Variants in AGXT2 observed in about 807,000 individuals in gnomAD.
The protein encoded by AGXT2 is alanine--glyoxylate aminotransferase 2, also known as alanine--glyoxylate aminotransferase 2, mitochondrial.
In AGXT2, 61 loss-of-function variants were observed where a neutral mutation model predicts 62.5. That is an observed-to-expected ratio of 0.98 (90% CI 0.79 to 1.21). AGXT2 has a LOEUF of 1.21. Ranked by LOEUF, AGXT2 falls within the 50% of genes most tolerant of loss-of-function variation. AGXT2 has a pLI of 0.00. For missense variants in AGXT2, 666 were observed against 641.5 expected, an observed-to-expected ratio of 1.04 and a Z score of -0.41; for synonymous variants, 243 against 218.7, an observed-to-expected ratio of 1.11 and a Z score of -0.98.
chr5:35,032,659 G>T, intron 7 of AGXT2, 73 bp downstream of exon 7: 1 of 1,297,590 alleles, frequency 7.7e-7, no homozygotes, highest in Non-Finnish European at 1.1e-6. Context: ...GTTCCCTCAG[G>T]GATGGGTCTG....
intron 4 of AGXT2, 50 bp from the exon 5 acceptor site, chr5:35,035,366 C>T (rs749719148): frequency 2.0e-6 from 3 of 1,516,912 alleles, no homozygotes; most frequent in Admixed American, 1.7e-5. Flanking sequence ...TCCTTATTAC[C>T]CATTCACTTA....
At chr5:35,038,071 G>A (rs752717996) in intron 3 of AGXT2, among the ~76,000 whole-genome samples, 1 of 152,166 alleles carries the variant, frequency 6.6e-6, no homozygotes, top group African/African-American at 2.4e-5. Context: ...CTTTACTACA[G>A]ACATTTTAGT....
At position 35,036,571 on chromosome 5, in the gene AGXT2, C is replaced by T. The variant is rs1376329368; in HGVS notation, c.486+371G>A. On this transcript the variant is annotated intron_variant, in intron 4 of 13. Coordinates refer to ENST00000231420, the MANE Select transcript of AGXT2 (RefSeq NM_031900.4). ...ATAACTTTGCAGAAAGGCTAAGGAG[C>T]GATGAGATAAAAACCTCTTGAGGAC... Among the ~76,000 whole-genome samples the T allele has an allele frequency of 2.6e-5, 4 of 152,094 alleles. No homozygotes were observed. In the East Asian group the frequency reaches 5.8e-4, roughly 22 times the overall value.
rs1767568138 is a variant in AGXT2 at position 35,031,890 on chromosome 5, T to TG, written c.769+841_769+842insC. ...TCCCACCCATCTTGATTTCTTGTTT[T>TG]TTTTTTTTTTTTGGTTGTTGTTTAG... On this transcript the variant is annotated intron_variant, in intron 7 of 13. Coordinates refer to ENST00000231420, the MANE Select transcript of AGXT2 (RefSeq NM_031900.4). Among the ~76,000 whole-genome samples, 3 of 151,414 alleles carry TG rather than the reference T, an allele frequency of 2.0e-5. No homozygotes were observed. In the South Asian group the frequency reaches 6.3e-4, roughly 32 times the overall value.
chr5:35,026,280 C>G (rs188092805), intron 8 of AGXT2, 130 bp downstream of exon 8: 5 of 808,378 alleles, frequency 6.2e-6, no homozygotes, highest in Admixed American at 2.1e-5. Flanking sequence ...TTCAAGGAGA[C>G]CAAGAGAATG....
chr5:35,003,729 T>G, intron 13 of AGXT2, 34 bp downstream of exon 13: 2 of 1,575,630 alleles, frequency 1.3e-6, no homozygotes, highest in Non-Finnish European at 1.7e-6. Context: ...GACTCCTACC[T>G]AGAGCGATAG....
At chr5:35,026,816 T>C (rs1767371413) in intron 7 of AGXT2, 2 of 980,648 alleles carry the variant, frequency 2.0e-6, no homozygotes, top group African/African-American at 3.5e-5. Context: ...CTGGTATAGA[T>C]AGCTGTTTCA....
intron 7 of AGXT2, 132 bp downstream of exon 7, chr5:35,032,600 A>G: frequency 1.2e-6 from 1 of 822,714 alleles, no homozygotes; most frequent in East Asian, 2.7e-5. Flanking sequence ...GTTACTTTCC[A>G]GTTTTGCTTC....
intron 13 of AGXT2, among the ~76,000 whole-genome samples, chr5:35,000,472 C>A (rs1160860014): frequency 6.6e-6 from 1 of 152,144 alleles, no homozygotes; most frequent in African/African-American, 2.4e-5. Flanking sequence ...CCTCCGCCTC[C>A]CAGGTTCACA....
intron 9 of AGXT2, among the ~76,000 whole-genome samples, chr5:35,020,125 G>T (rs1321557640): frequency 2.6e-5 from 4 of 152,200 alleles, no homozygotes; most frequent in Non-Finnish European, 4.4e-5. Context: ...AGGATTCACA[G>T]CGGAATTCTA....
chr5:35,027,437 A>G lies in AGXT2; in HGVS notation c.770-927T>C, dbSNP rs79302255. On this transcript the variant is annotated intron_variant, in intron 7 of 13. Coordinates refer to ENST00000231420, the MANE Select transcript of AGXT2 (RefSeq NM_031900.4). ...CCCACATGCTGAGTTTTAAATTTCA[A>G]TAATCACTTTTATATTACTAGAAGG... 8.6e-3 allele frequency among the ~76,000 whole-genome samples: 1,305 copies of G among 152,224 alleles called. 23 individuals are homozygous for G. Among genetic ancestry groups the G allele is most frequent in the African/African-American group, 0.03 (1,251 of 41,536 alleles).
chr5:35,003,649 A>C lies in AGXT2; in HGVS notation c.1437+114T>G, dbSNP rs557251762. On this transcript the variant is annotated intron_variant, in intron 13 of 13. Transcript: ENST00000231420. ...TGGGTACCTCGGCACAGTTGTGTAA[A>C]AACTGCAACCAGCATTAGGACATCT... The C allele has an allele frequency of 5.6e-6, 6 of 1,069,174 alleles. No individual in the cohort carries two copies. The East Asian group carries it at 1.4e-4, about 26-fold the overall frequency. 66.2% of individuals were successfully genotyped at this position (1,069,174 alleles called of 1,614,324 possible). A position where few individuals can be genotyped will look rare whatever the true frequency, so the allele number is the denominator to read the frequency against.
chr5:35,013,502 G>A (rs552493560), intron 10 of AGXT2, among the ~76,000 whole-genome samples: 5 of 151,876 alleles, frequency 3.3e-5, no homozygotes, highest in South Asian at 2.1e-4. Context: ...GCTGGCTTTC[G>A]GATAGGGGTG....
chr5:35,009,915 G>T, intron 12 of AGXT2, 85 bp downstream of exon 12: 2 of 1,570,100 alleles, frequency 1.3e-6, no homozygotes, highest in South Asian at 1.1e-5. Context: ...CTCTCCTTGA[G>T]AGTAAATGAA....
chr5:35,030,649 T>C (rs1400303471), intron 7 of AGXT2, among the ~76,000 whole-genome samples: 2 of 152,242 alleles, frequency 1.3e-5, no homozygotes, highest in Non-Finnish European at 2.9e-5. Context: ...ATTTCTGGTA[T>C]TGTCAAATTG....
intron 11 of AGXT2, among the ~76,000 whole-genome samples, chr5:35,011,874 G>C (rs1022265310): frequency 4.6e-5 from 7 of 150,594 alleles, no homozygotes; most frequent in African/African-American, 1.5e-4. Flanking sequence ...ACCAACCTAA[G>C]AGCCCATCAA....
intron 1 of AGXT2, among the ~76,000 whole-genome samples, chr5:35,046,719 A>G (rs1177069917): frequency 6.6e-6 from 1 of 152,174 alleles, no homozygotes; most frequent in Non-Finnish European, 1.5e-5. Flanking sequence ...AAGGAGGGTG[A>G]AAGGGAAATA....
chr5:35,047,112 T>C lies in AGXT2; in HGVS notation c.88+693A>G, dbSNP rs183640673. On this transcript the variant is annotated intron_variant, in intron 1 of 13. Coordinates refer to ENST00000231420, the MANE Select transcript of AGXT2 (RefSeq NM_031900.4). ...GTGGTCTCACTTCCTAGAGGCATGA[T>C]GAAAATTCATGCAGATGCTTTACAT... is the stretch of plus-strand genomic sequence containing the variant. Among the ~76,000 whole-genome samples the C allele has an allele frequency of 1.2e-4, 18 of 152,298 alleles. No homozygotes were observed. In the East Asian group the frequency reaches 2.9e-3, roughly 24 times the overall value.
At chr5:35,007,288 G>T (rs79678554) in intron 12 of AGXT2, among the ~76,000 whole-genome samples, 2,296 of 152,316 alleles carry the variant, frequency 0.015, 62 homozygotes, top group African/African-American at 0.053. Context: ...AGAACCATGA[G>T]GAATACATTT....
Sources: gnomAD v4.1 joint callset for allele counts (sites outside exome capture counted in the v4.1 genomes callset) on GRCh38, gnomAD v4.1.1 for gene constraint, MANE v1.5 for transcripts, NCBI Gene and HGNC (gene_info 2026-07-23, HGNC 2026-07-21) for gene names.